Variants in HDAC9 observed in about 807,000 individuals in gnomAD.
HDAC9 encodes histone deacetylase 9, also known as MEF-2 interacting transcription repressor (MITR) protein.
A neutral mutation model predicts 139.4 loss-of-function variants in HDAC9; 41 were observed. The ratio of observed to expected loss-of-function variants is 0.29; its 90% CI spans 0.23 to 0.38. The LOEUF is 0.38. Ranked by LOEUF, HDAC9 falls within the 10% of genes least tolerant of loss-of-function variation. The pLI is 1.00. For synonymous variants in HDAC9, 517 were observed against 476.2 expected (o/e 1.09, Z -1.12); for missense variants, 1,147 against 1,297.0 (o/e 0.88, Z 1.78).
chr7:18,774,860 C>G (rs900045323), intron 16 of HDAC9, among the ~76,000 whole-genome samples: 2 of 152,050 alleles, frequency 1.3e-5, no homozygotes, highest in African/African-American at 4.8e-5. Context: ...TTGGGCACAA[C>G]AGGTCTAGTT....
intron 2 of HDAC9, among the ~76,000 whole-genome samples, chr7:18,540,904 A>G (rs1033093160): frequency 1.3e-5 from 2 of 152,184 alleles, no homozygotes; most frequent in Admixed American, 6.5e-5. Flanking sequence ...TTCTCGTAAG[A>G]ATTTTAGAAG....
intron 8 of HDAC9, among the ~76,000 whole-genome samples, chr7:18,636,062 G>T (rs1029477729): frequency 6.6e-6 from 1 of 152,076 alleles, no homozygotes; most frequent in Non-Finnish European, 1.5e-5. Context: ...ATGAGCAAAG[G>T]ACTGAAGCCA....
rs143453840 is a variant in HDAC9 at position 18,488,065 on chromosome 7, A to G, written c.-41-8197A>G. ...GGAATAAAATAAACTTTTGATTCAT[A>G]CCAAGTAGTGAAGATCAGAATGCTA... On this transcript the variant is annotated intron_variant, in intron 1 of 3. Coordinates refer to the HDAC9 transcript ENST00000413509. Among the ~76,000 whole-genome samples, 355 of 152,172 alleles carry G rather than the reference A, an allele frequency of 2.3e-3. 6 individuals are homozygous for G. The highest frequency in any genetic ancestry group is 0.02 in the Admixed American group (312 of 15,262).
rs1338926003 is a variant in HDAC9, at chr7:18,835,463, G to A, written c.2467-4G>A. ...ATTTGTCGTCTGTTTTCATTTCCCT[G>A]TAGGATGTTCACCATGGAAACGGTA... On this transcript the variant is annotated splice_polypyrimidine_tract_variant and splice_region_variant and intron_variant, in intron 19 of 25. Transcript: ENST00000686413. 5 of 1,612,464 alleles carry A rather than the reference G, an allele frequency of 3.1e-6. No individual in the cohort carries two copies. The highest frequency in any genetic ancestry group is 1.3e-5 in the African/African-American group (1 of 74,954).
At chr7:18,926,403 T>C (rs1038387969) in intron 22 of HDAC9, among the ~76,000 whole-genome samples, 1 of 152,172 alleles carries the variant, frequency 6.6e-6, no homozygotes, top group African/African-American at 2.4e-5. Context: ...TTTGATAAAC[T>C]GTGTATCCAT....
chr7:18,296,229 A>G (rs1798139223), intron 1 of HDAC9, among the ~76,000 whole-genome samples: 1 of 152,176 alleles, frequency 6.6e-6, no homozygotes, highest in Non-Finnish European at 1.5e-5. Flanking sequence ...TGCATGTTAG[A>G]CTTCTTACAG....
chr7:18,745,586 C>T (rs1787874342), intron 13 of HDAC9, among the ~76,000 whole-genome samples: 2 of 133,382 alleles, frequency 1.5e-5, no homozygotes, highest in South Asian at 2.3e-4. Context: ...GTCGCCCAGG[C>T]CGGACTGCGG....
At chr7:18,306,659 A>G (rs1798930011) in intron 1 of HDAC9, among the ~76,000 whole-genome samples, 1 of 152,182 alleles carries the variant, frequency 6.6e-6, no homozygotes, top group Non-Finnish European at 1.5e-5. Flanking sequence ...CTTTTGATCC[A>G]GGCATTTTCT....
At chr7:18,128,852 CT>C (rs1032673614) in intron 1 of HDAC9, among the ~76,000 whole-genome samples, 1 of 151,850 alleles carries the variant, frequency 6.6e-6, no homozygotes, top group Non-Finnish European at 1.5e-5. Context: ...TCCTGTCTCT[CT>C]TTTTTTCTCC....
chr7:18,981,707 A>G (rs1292205195), intron 25 of HDAC9, among the ~76,000 whole-genome samples: 2 of 152,196 alleles, frequency 1.3e-5, no homozygotes, highest in African/African-American at 4.8e-5. Flanking sequence ...AAGGGCTCAT[A>G]TAATTAGATT....
intron 23 of HDAC9, among the ~76,000 whole-genome samples, chr7:18,941,711 C>T (rs931960265): frequency 2.4e-4 from 36 of 152,162 alleles, no homozygotes; most frequent in Non-Finnish European, 5.0e-4. Flanking sequence ...TTCTTTTAAA[C>T]TTTGAAGGCT....
intron 1 of HDAC9, among the ~76,000 whole-genome samples, chr7:18,393,351 G>A (rs1585587179): frequency 6.6e-6 from 1 of 152,100 alleles, no homozygotes; most frequent in East Asian, 1.9e-4. Context: ...GGATCAGGGA[G>A]GTTCTTTTCA....
intron 1 of HDAC9, among the ~76,000 whole-genome samples, chr7:18,456,672 T>C (rs28538003): frequency 0.053 from 8,142 of 152,240 alleles, 361 homozygotes; most frequent in East Asian, 0.12. Context: ...GGCCTCTCTA[T>C]TTCAGTTATG....
In HDAC9 at chr7:18,374,170, A is replaced by G. The variant is rs181539311; in HGVS notation, c.-42+83655A>G. Among the ~76,000 whole-genome samples, 15 of 151,306 alleles carry G rather than the reference A, an allele frequency of 9.9e-5. No individual in the cohort carries two copies. In the East Asian group the frequency reaches 1.6e-3, roughly 16 times the overall value. On this transcript the variant is annotated intron_variant, in intron 1 of 3. Transcript: ENST00000413509. The stretch of plus-strand genomic sequence containing the variant: ...CATATATACTAGATATATGTAGTAC[A>G]TGCATAAATCTAGTGTGTATGTATG...
At chr7:18,333,785 A>G (rs1484996268) in intron 1 of HDAC9, among the ~76,000 whole-genome samples, 1 of 151,520 alleles carries the variant, frequency 6.6e-6, no homozygotes, top group Non-Finnish European at 1.5e-5. Flanking sequence ...GATAAAATAT[A>G]AAGTTAAAGA....
intron 22 of HDAC9, among the ~76,000 whole-genome samples, chr7:18,881,070 A>G (rs552126890): frequency 4.9e-4 from 75 of 152,160 alleles, no homozygotes; most frequent in African/African-American, 1.7e-3. Context: ...TAGTCAGTCA[A>G]TGATCCAAAA....
Position 18,948,227 on chromosome 7 carries a change from T to TA in HDAC9, c.2938-5911dup, listed in dbSNP as rs34391784. ...GGGAATCCTAGACAGTGCGATATTG[T>TA]AAAAAAAAGAAAAAGATATCAGTAT... On this transcript the variant is annotated intron_variant, in intron 23 of 25. Transcript: ENST00000686413. Among the ~76,000 whole-genome samples, 159 of 151,592 alleles carry TA rather than the reference T, an allele frequency of 1.0e-3. 1 individual carries two copies. Among genetic ancestry groups the TA allele is most frequent in the African/African-American group, 3.6e-3 (149 of 41,370 alleles).
At chr7:18,734,607 G>T (rs970780600) in intron 13 of HDAC9, among the ~76,000 whole-genome samples, 1 of 152,168 alleles carries the variant, frequency 6.6e-6, no homozygotes, top group African/African-American at 2.4e-5. Flanking sequence ...TGGTGTATAT[G>T]CGCCACATTT....
At chr7:18,917,689 C>A (rs1323008093) in intron 22 of HDAC9, among the ~76,000 whole-genome samples, 3 of 151,992 alleles carry the variant, frequency 2.0e-5, no homozygotes, top group Non-Finnish European at 4.4e-5. Flanking sequence ...TAAATAAGTA[C>A]ATTTTTTTCA....
Sources: gnomAD v4.1 joint callset for allele counts (sites outside exome capture counted in the v4.1 genomes callset) on GRCh38, gnomAD v4.1.1 for gene constraint, MANE v1.5 for transcripts, NCBI Gene and HGNC (gene_info 2026-07-23, HGNC 2026-07-21) for gene names.